Variants in LUZP1 observed in about 807,000 individuals in gnomAD.
The protein encoded by LUZP1 is filamin mechanobinding actin cross-linking protein.
A neutral mutation model predicts 71.3 loss-of-function variants in LUZP1; 25 were observed. That is an observed-to-expected ratio of 0.35 (90% CI 0.26 to 0.49). The LOEUF (loss-of-function observed/expected upper bound fraction) is 0.49, where lower values mean the gene tolerates loss of function less well. Ranked by LOEUF, LUZP1 falls within the 20% of genes least tolerant of loss-of-function variation. The pLI is 0.99. For missense variants in LUZP1, 1,142 were observed against 1,300.8 expected, an observed-to-expected ratio of 0.88 and a Z score of 1.88; for synonymous variants, 481 against 506.4, an observed-to-expected ratio of 0.95 and a Z score of 0.67.
At chr1:23,084,349 TCCTC>T (rs1429931014) in exon 5 of LUZP1, 1 of 152,148 alleles carries the variant, frequency 6.6e-6, no homozygotes, top group East Asian at 1.9e-4. Context: ...CGTGGCTCCT[TCCTC>T]CATCCTCAGA....
At chr1:23,148,291 T>C (rs1178663332) in intron 2 of LUZP1, among the ~76,000 whole-genome samples, 2 of 152,194 alleles carry the variant, frequency 1.3e-5, no homozygotes, top group South Asian at 2.1e-4. Context: ...CTGAAAATAG[T>C]GAATGACTCA....
chr1:23,152,034 T>C (rs1569679317), intron 2 of LUZP1, among the ~76,000 whole-genome samples: 1 of 149,954 alleles, frequency 6.7e-6, no homozygotes, highest in Non-Finnish European at 1.5e-5. Flanking sequence ...AAATGGTAGA[T>C]AATATACTCC....
intron 2 of LUZP1, among the ~76,000 whole-genome samples, chr1:23,150,327 A>C (rs1200940920): frequency 6.6e-6 from 1 of 152,176 alleles, no homozygotes; most frequent in African/African-American, 2.4e-5. Context: ...ATGGCAAAAC[A>C]ATGGTCTAGA....
chr1:23,150,333 C>G (rs1557683149), intron 2 of LUZP1, among the ~76,000 whole-genome samples: 1 of 152,080 alleles, frequency 6.6e-6, no homozygotes, highest in Non-Finnish European at 1.5e-5. Context: ...AAACAATGGT[C>G]TAGAGGGACA....
intron 3 of LUZP1, among the ~76,000 whole-genome samples, chr1:23,098,039 C>A (rs773396172): frequency 4.6e-5 from 7 of 152,182 alleles, no homozygotes; most frequent in African/African-American, 7.2e-5. Context: ...TAAGGGCCCA[C>A]TTGAAATTCC....
intron 3 of LUZP1, among the ~76,000 whole-genome samples, chr1:23,100,472 T>TTGCAGGTCTA (rs1643922000): frequency 6.6e-6 from 1 of 152,174 alleles, no homozygotes; most frequent in African/African-American, 2.4e-5. Context: ...AAGCCCTTTC[T>TTGCAGGTCTA]TGCAGGTCTA....
At chr1:23,117,454 C>CCTCCCTCTCTCTCTCTCTCT (rs1553137817) in intron 2 of LUZP1, among the ~76,000 whole-genome samples, 1 of 13,358 alleles carries the variant, frequency 7.5e-5, no homozygotes, top group African/African-American at 4.5e-4. Context: ...TTTTTTTTTT[C>CCTCCCTCTCTCTCTCTCTCT]CTCTCTCTCT....
chr1:23,151,797 T>G (rs949444894), intron 2 of LUZP1, among the ~76,000 whole-genome samples: 1 of 150,666 alleles, frequency 6.6e-6, no homozygotes, highest in African/African-American at 2.4e-5. Context: ...AGGTCAGGAG[T>G]TCAAGACCAG....
At chr1:23,147,753 T>G (rs1476114809) in intron 2 of LUZP1, among the ~76,000 whole-genome samples, 1 of 152,230 alleles carries the variant, frequency 6.6e-6, no homozygotes, top group Non-Finnish European at 1.5e-5. Flanking sequence ...CCATTTTCCA[T>G]GTAAACAAGT....
chr1:23,092,679 T>C, exon 4 of LUZP1: 2 of 1,614,158 alleles, frequency 1.2e-6, no homozygotes, highest in Non-Finnish European at 1.7e-6. Context: ...AGAAGCCTTG[T>C]CAGCTCTACC....
intron 2 of LUZP1, among the ~76,000 whole-genome samples, chr1:23,120,650 G>T (rs561977832): frequency 6.6e-6 from 1 of 152,016 alleles, no homozygotes; most frequent in Non-Finnish European, 1.5e-5. Flanking sequence ...GAGCCACTAC[G>T]CCTGACAATA....
At chr1:23,168,933 GC>G in exon 2 of LUZP1, 1 of 151,792 alleles carries the variant, frequency 6.6e-6, no homozygotes, top group Admixed American at 6.7e-5. Context: ...TTGTCTGTAG[GC>G]CCCGCCCCCT....
In LUZP1 at chr1:23,171,072, G is replaced by C. The variant is rs904245450; in HGVS notation, c.-484-2048C>G. On this transcript the variant is annotated intron_variant, in intron 1 of 4. Transcript: ENST00000302291. The stretch of plus-strand genomic sequence containing the variant: ...GCCACCGCACTACAGCCTGGTGACA[G>C]ATCGAGACCCTGTCTCAAAAAAAAA... Among the ~76,000 whole-genome samples, 27 of 147,600 alleles carry C rather than the reference G, an allele frequency of 1.8e-4. No individual in the cohort carries two copies. The East Asian group carries it at 2.8e-3, about 15-fold the overall frequency.
chr1:23,140,549 C>G (rs934427899), intron 2 of LUZP1: 9 of 152,234 alleles, frequency 5.9e-5, no homozygotes, highest in Admixed American at 3.3e-4. Flanking sequence ...TGCCTGGCTG[C>G]TCAGAGCCTG....
At chr1:23,130,375 C>A (rs1422877473) in intron 2 of LUZP1, among the ~76,000 whole-genome samples, 1 of 152,072 alleles carries the variant, frequency 6.6e-6, no homozygotes, top group Non-Finnish European at 1.5e-5. Flanking sequence ...CACAAAACTC[C>A]TTGAAGGTGC....
intron 2 of LUZP1, among the ~76,000 whole-genome samples, chr1:23,145,163 A>C (rs1644332303): frequency 6.6e-6 from 1 of 152,116 alleles, no homozygotes; most frequent in African/African-American, 2.4e-5. Flanking sequence ...TCAGCCTCCC[A>C]AAGTGCTGGG....
intron 2 of LUZP1, among the ~76,000 whole-genome samples, chr1:23,113,857 C>T (rs923239773): frequency 2.4e-4 from 35 of 146,124 alleles, no homozygotes; most frequent in African/African-American, 5.6e-4. Flanking sequence ...TCCAGCCTGG[C>T]GACAGAACGA....
intron 3 of LUZP1, among the ~76,000 whole-genome samples, chr1:23,106,250 G>C (rs1476164614): frequency 1.3e-5 from 2 of 152,130 alleles, no homozygotes; most frequent in Admixed American, 6.5e-5. Context: ...AGAGATCACT[G>C]TCAAGTTTCC....
intron 3 of LUZP1, among the ~76,000 whole-genome samples, chr1:23,101,247 A>G (rs1376134385): frequency 6.6e-6 from 1 of 152,178 alleles, no homozygotes; most frequent in Non-Finnish European, 1.5e-5. Context: ...CCACACAAAA[A>G]CAATATGGTA....
Sources: gnomAD v4.1 joint callset for allele counts (sites outside exome capture counted in the v4.1 genomes callset) on GRCh38, gnomAD v4.1.1 for gene constraint, MANE v1.5 for transcripts, NCBI Gene and HGNC (gene_info 2026-07-23, HGNC 2026-07-21) for gene names.